Variants in SLC25A48 observed in about 807,000 individuals in gnomAD.
The protein encoded by SLC25A48 is solute carrier family 25 member 48, also known as CTC-321K16.1.
A neutral mutation model predicts 32.2 loss-of-function variants in SLC25A48; 29 were observed. That is an observed-to-expected ratio of 0.90 (90% CI 0.67 to 1.23). SLC25A48 has a LOEUF of 1.23. SLC25A48 is among the 50% of genes most tolerant of loss of function. SLC25A48 has a pLI of 0.00. For missense variants in SLC25A48, 399 were observed against 422.7 expected, an observed-to-expected ratio of 0.94 and a Z score of 0.49; for synonymous variants, 164 against 172.3, an observed-to-expected ratio of 0.95 and a Z score of 0.38.
chr5:135,789,357 T>A (rs1756957359), intron 3 of SLC25A48, among the ~76,000 whole-genome samples: 1 of 151,252 alleles, frequency 6.6e-6, no homozygotes, highest in Admixed American at 6.6e-5. Flanking sequence ...TACAACTTCC[T>A]GCCATATGAT....
rs551076296 is a variant in SLC25A48, at chr5:135,598,139, T to C, written c.-849+18542T>C. 5.9e-5 allele frequency among the ~76,000 whole-genome samples: 9 copies of C among 152,320 alleles called. No individual in the cohort carries two copies. In the South Asian group the frequency reaches 1.9e-3, roughly 32 times the overall value. On this transcript the variant is annotated intron_variant, in intron 1 of 10. Transcript: ENST00000646290. ...GCAAAGTGTTACCCACTAGGATGAC[T>C]GCAAGTGATCAAAAAAAGTGACATA... is the stretch of plus-strand genomic sequence containing the variant.
chr5:135,656,889 A>C (rs1580760524), intron 3 of SLC25A48, among the ~76,000 whole-genome samples: 1 of 152,162 alleles, frequency 6.6e-6, no homozygotes, highest in East Asian at 1.9e-4. Context: ...CCCTGCAGAC[A>C]CCTTGATCTT....
intron 6 of SLC25A48, chr5:135,874,735 A>G (rs1285513428): frequency 1.9e-5 from 13 of 700,514 alleles, no homozygotes; most frequent in African/African-American, 3.5e-5. Flanking sequence ...TTAACTTAAC[A>G]CACACCCCTT....
At chr5:135,632,763 C>T (rs143132731) in intron 2 of SLC25A48, among the ~76,000 whole-genome samples, 2 of 152,294 alleles carry the variant, frequency 1.3e-5, no homozygotes, top group African/African-American at 2.4e-5. Flanking sequence ...GTTGCCAGCC[C>T]CATGAATACT....
intron 1 of SLC25A48, among the ~76,000 whole-genome samples, chr5:135,836,702 A>C (rs1251482593): frequency 6.6e-6 from 1 of 152,126 alleles, no homozygotes; most frequent in African/African-American, 2.4e-5. Context: ...GCAATATGTG[A>C]TCTCTTGTGT....
chr5:135,721,623 G>C lies in SLC25A48; in HGVS notation c.-521+86667G>C, dbSNP rs145303780. Among the ~76,000 whole-genome samples, 784 of 152,316 alleles carry C rather than the reference G, an allele frequency of 5.1e-3. 4 individuals are homozygous for C. Among genetic ancestry groups the C allele is most frequent in the African/African-American group, 0.018 (752 of 41,574 alleles). On this transcript the variant is annotated intron_variant, in intron 3 of 10. Coordinates refer to the SLC25A48 transcript ENST00000646290. ...CTGTGTAAAAGCTACCAGCTGGATGGTGTGAGCACTGCATAATTGAAATGG... is the reference window on the plus strand; with the variant it reads ...CTGTGTAAAAGCTACCAGCTGGATGCTGTGAGCACTGCATAATTGAAATGG...
chr5:135,837,312 A>T (rs1758620811), intron 1 of SLC25A48, among the ~76,000 whole-genome samples: 1 of 152,042 alleles, frequency 6.6e-6, no homozygotes, highest in Non-Finnish European at 1.5e-5. Context: ...GTGGTTCTGG[A>T]CCCAGGGAAT....
At chr5:135,753,569 T>C (rs150498676) in intron 3 of SLC25A48, among the ~76,000 whole-genome samples, 148 of 151,826 alleles carry the variant, frequency 9.7e-4, no homozygotes, top group South Asian at 1.5e-3. Context: ...TTTGGTGACA[T>C]GAACAGTAAT....
intron 3 of SLC25A48, among the ~76,000 whole-genome samples, chr5:135,654,106 T>A (rs1753184956): frequency 6.6e-6 from 1 of 152,118 alleles, no homozygotes. Flanking sequence ...GAGACAAAAA[T>A]GGGCAACCGT....
intron 3 of SLC25A48, among the ~76,000 whole-genome samples, chr5:135,654,896 A>G (rs1355362449): frequency 1.3e-5 from 2 of 152,214 alleles, no homozygotes; most frequent in African/African-American, 4.8e-5. Context: ...TCCTGTGTGT[A>G]TTCCTAGCAG....
chr5:135,757,773 T>C (rs1222956688), intron 3 of SLC25A48, among the ~76,000 whole-genome samples: 1 of 147,360 alleles, frequency 6.8e-6, no homozygotes, highest in Non-Finnish European at 1.5e-5. Flanking sequence ...AGATTATATT[T>C]ATAATGTGTT....
chr5:135,712,114 T>C (rs557513358), intron 3 of SLC25A48, among the ~76,000 whole-genome samples: 1 of 152,358 alleles, frequency 6.6e-6, no homozygotes, highest in South Asian at 2.1e-4. Flanking sequence ...TCTCATTGTT[T>C]TCTTTCAGTG....
chr5:135,736,194 T>C (rs2126996343), intron 3 of SLC25A48, among the ~76,000 whole-genome samples: 1 of 152,108 alleles, frequency 6.6e-6, no homozygotes, highest in Admixed American at 6.5e-5. Flanking sequence ...AGGAATCGCA[T>C]TGGGTACAGA....
intron 3 of SLC25A48, among the ~76,000 whole-genome samples, chr5:135,658,633 C>T (rs1050285658): frequency 2.0e-5 from 3 of 152,230 alleles, no homozygotes; most frequent in African/African-American, 7.2e-5. Context: ...CTGCACTGCC[C>T]TAGCAGAGGT....
In SLC25A48 at chr5:135,697,428, G is replaced by A. The variant is rs1397800558; in HGVS notation, c.-521+62472G>A. On this transcript the variant is annotated intron_variant, in intron 3 of 10. Transcript: ENST00000646290. ...ACACAGGGTGGTCACAGCTCCTTGA[G>A]TCAAGGGCTGTCTGAGAGCCATGCT... Among the ~76,000 whole-genome samples the A allele has an allele frequency of 2.6e-5, 4 of 152,234 alleles. No homozygotes were observed. In the East Asian group the frequency reaches 7.7e-4, roughly 29 times the overall value.
At chr5:135,876,128 CTTCTTTTTTTT>C (rs1255934244) in intron 6 of SLC25A48, 13 of 47,856 alleles carry the variant, frequency 2.7e-4, no homozygotes, top group Middle Eastern at 0.016. Context: ...TTTTTTTCTT[CTTCTTTTTTTT>C]TTTTTTTTTT....
At chr5:135,752,270 T>C (rs946003849) in intron 3 of SLC25A48, among the ~76,000 whole-genome samples, 6 of 152,128 alleles carry the variant, frequency 3.9e-5, no homozygotes, top group African/African-American at 1.4e-4. Flanking sequence ...GTCAAACACA[T>C]AATTGATAAA....
At chr5:135,662,467 C>T (rs1397578701) in intron 3 of SLC25A48, among the ~76,000 whole-genome samples, 1 of 152,180 alleles carries the variant, frequency 6.6e-6, no homozygotes. Flanking sequence ...AGTCGTCATT[C>T]TGTGTCTGTG....
At chr5:135,615,583 C>T (rs1752167358) in intron 1 of SLC25A48, among the ~76,000 whole-genome samples, 1 of 152,102 alleles carries the variant, frequency 6.6e-6, no homozygotes, top group African/African-American at 2.4e-5. Context: ...GAAACCAGAA[C>T]TTACATATTT....
Sources: allele counts gnomAD v4.1 joint callset (sites outside exome capture counted in the v4.1 genomes callset), GRCh38; gene constraint gnomAD v4.1.1; transcripts MANE v1.5; gene names NCBI Gene and HGNC (gene_info 2026-07-23, HGNC 2026-07-21).